The following TARS1 variants were observed in gnomAD, a reference collection of about 807,000 sequenced individuals.
TARS1 encodes the protein threonine--tRNA ligase 1, cytoplasmic.
In TARS1, 57 loss-of-function variants were observed where a neutral mutation model predicts 97.7. The observed-to-expected ratio is 0.58, with a 90% CI of 0.47 to 0.73. TARS1 has a LOEUF of 0.73. Ranked by LOEUF, TARS1 falls within the 30% of genes least tolerant of loss-of-function variation. The probability of loss-of-function intolerance (pLI) is 0.00; values close to 1 mark genes in which losing one functional copy is unlikely to be tolerated. For synonymous variants in TARS1, 312 were observed against 293.7 expected (o/e 1.06, Z -0.64); for missense variants, 806 against 888.3 (o/e 0.91, Z 1.18).
chr5:33,456,457 A>G (rs181850373), intron 8 of TARS1, among the ~76,000 whole-genome samples: 114 of 152,318 alleles, frequency 7.5e-4, no homozygotes, highest in African/African-American at 2.7e-3. Flanking sequence ...TGGAGATTTT[A>G]CAAAATCATA....
chr5:33,445,291 G>A lies in TARS1; in HGVS notation c.58-33G>A, dbSNP rs757723717. 23 of 1,561,842 alleles carry A rather than the reference G, an allele frequency of 1.5e-5. No homozygotes were observed. The South Asian group carries it at 2.4e-4, about 16-fold the overall frequency. ...ATCACAGGATGGAGGTGTCACATTA[G>A]ATTAAAATATAAAACGTTTTTTGCT... On this transcript the variant is annotated intron_variant, in intron 1 of 18. Coordinates refer to ENST00000265112, the MANE Select transcript of TARS1 (RefSeq NM_152295.5).
chr5:33,465,539 TTAAAG>T (rs2111604187), intron 17 of TARS1, among the ~76,000 whole-genome samples: 1 of 152,318 alleles, frequency 6.6e-6, no homozygotes, highest in South Asian at 2.1e-4. Context: ...GCCTTATTCT[TTAAAG>T]TAGTTATAAG....
intron 1 of TARS1, among the ~76,000 whole-genome samples, chr5:33,443,320 C>CTCTCTCTCTCTCTCT (rs1741220535): frequency 1.8e-4 from 21 of 118,518 alleles, no homozygotes; most frequent in East Asian, 8.4e-4. Flanking sequence ...TCTCTCTCTC[C>CTCTCTCTCTCTCTCT]CTCTCTCTCT....
At chr5:33,460,406 T>C (rs1742235081) in intron 11 of TARS1, among the ~76,000 whole-genome samples, 1 of 152,248 alleles carries the variant, frequency 6.6e-6, no homozygotes, top group Non-Finnish European at 1.5e-5. Flanking sequence ...AGAAACCTGT[T>C]CTGTCAAAAC....
In TARS1 at chr5:33,467,941, G is replaced by T; in HGVS notation, c.*233G>T. On this transcript the variant is annotated 3_prime_UTR_variant, in exon 19 of 19. Coordinates refer to ENST00000265112, the MANE Select transcript of TARS1 (RefSeq NM_152295.5). Reference sequence around the variant, plus strand: ...AAATGATTTTACTCATTCAGTATCTGAGTACTGGAAGTGAAACATGAGGAA... The same window carrying T: ...AAATGATTTTACTCATTCAGTATCTTAGTACTGGAAGTGAAACATGAGGAA... 1 of 407,688 alleles carries T rather than the reference G, an allele frequency of 2.5e-6. No individual in the cohort carries two copies. The highest frequency in any genetic ancestry group is 5.7e-5 in the South Asian group (1 of 17,654). The allele number at this position is 407,688 out of a possible 1,614,324, so 25.3% of individuals were successfully genotyped here.
chr5:33,449,880 A>G (rs532304993), intron 3 of TARS1, among the ~76,000 whole-genome samples: 1 of 152,330 alleles, frequency 6.6e-6, no homozygotes, highest in South Asian at 2.1e-4. Flanking sequence ...AAGCTTGCCA[A>G]TCTTGGTCTT....
intron 17 of TARS1, among the ~76,000 whole-genome samples, chr5:33,464,407 A>C (rs1742437761): frequency 6.6e-6 from 1 of 152,188 alleles, no homozygotes; most frequent in African/African-American, 2.4e-5. Context: ...AGTATAGCAG[A>C]CCAATGTCTT....
At chr5:33,448,444 G>A in intron 2 of TARS1, 97 bp from the exon 3 acceptor site, 1 of 1,056,524 alleles carries the variant, frequency 9.5e-7, no homozygotes, top group Non-Finnish European at 1.3e-6. Context: ...CAATAGTCCT[G>A]GGTTTCTGTA....
intron 1 of TARS1, among the ~76,000 whole-genome samples, chr5:33,444,147 C>G (rs1427193316): frequency 6.6e-6 from 1 of 152,050 alleles, no homozygotes; most frequent in East Asian, 1.9e-4. Context: ...CTAAAAGAAG[C>G]CTGTCACAAA....
At chr5:33,450,850 C>T (rs958287322) in intron 3 of TARS1, among the ~76,000 whole-genome samples, 2 of 152,192 alleles carry the variant, frequency 1.3e-5, no homozygotes, top group African/African-American at 4.8e-5. Context: ...CGTGTTGGCT[C>T]ACAGCTGTAA....
Position 33,461,055 on chromosome 5 carries a change from C to T in TARS1, c.1404C>T (p.Ala468=). Residue 468 remains alanine, a synonymous_variant, in exon 12 of 19, where the codon GCC becomes GCT. Coordinates refer to ENST00000265112, the MANE Select transcript of TARS1 (RefSeq NM_152295.5). The stretch of plus-strand genomic sequence containing the variant: ...AGGATGATGCTCACATATTCTGTGC[C>T]ATGGAGCAGGTATGAGACCCTGGGA... ...FQQDDAHIFC[A]MEQIEDEIKG... 1 of 1,614,074 alleles carries T rather than the reference C, an allele frequency of 6.2e-7. No homozygotes were observed. The highest frequency in any genetic ancestry group is 8.5e-7 in the Non-Finnish European group (1 of 1,180,014).
intron 8 of TARS1, among the ~76,000 whole-genome samples, chr5:33,456,775 G>C (rs753625898): frequency 8.5e-5 from 13 of 152,134 alleles, no homozygotes; most frequent in Non-Finnish European, 1.5e-4. Flanking sequence ...GGCAGTTTTG[G>C]GGGTATTGGG....
At chr5:33,467,376 C>G (rs564980384) in intron 18 of TARS1, among the ~76,000 whole-genome samples, 184 bp from the exon 19 acceptor site, 1 of 152,268 alleles carries the variant, frequency 6.6e-6, no homozygotes, top group African/African-American at 2.4e-5. Context: ...TCCATAAGCA[C>G]AGTAGTTTTA....
In TARS1 at chr5:33,441,013, C is replaced by T. The variant is rs1741058056; in HGVS notation, c.-74C>T. ...AGGCCAAGTCCCGGGCGCTAGCCCA[C>T]CTCCCACCCGCCTCTTGGCTCCTCT... On this transcript the variant is annotated 5_prime_UTR_variant, in exon 1 of 19. Coordinates refer to ENST00000265112, the MANE Select transcript of TARS1 (RefSeq NM_152295.5). 5 of 1,597,360 alleles carry T rather than the reference C, an allele frequency of 3.1e-6. No individual in the cohort carries two copies. The highest frequency in any genetic ancestry group is 2.2e-5 in the East Asian group (1 of 44,718).
Position 33,458,659 on chromosome 5 carries a change from A to G in TARS1, c.1078A>G (p.Ile360Val), listed in dbSNP as rs1441185393. Residue 360 changes from isoleucine to valine, a missense_variant, in exon 10 of 19, where the codon ATT becomes GTT. Around this residue, in one of 3 missense-constraint regions of TARS1, gnomAD observed 446 missense variants for 511.0 expected, o/e 0.87. Transcript: ENST00000265112. ...CATTTATAATGCACTTATTGAATTC[A>G]TTAGGGTAAGTCATATTTATTGCTT... is the stretch of plus-strand genomic sequence containing the variant. ...AYIYNALIEF[I>V]RSEYRKRGFQ... The G allele has an allele frequency of 6.2e-7, 1 of 1,610,506 alleles. No homozygotes were observed. The highest frequency in any genetic ancestry group is 8.5e-7 in the Non-Finnish European group (1 of 1,177,870).
intron 3 of TARS1, among the ~76,000 whole-genome samples, chr5:33,452,024 A>G (rs1404926919): frequency 1.3e-5 from 2 of 152,216 alleles, no homozygotes; most frequent in Non-Finnish European, 2.9e-5. Context: ...TAAAGTTAGT[A>G]GGAGCATTGA....
upstream of TARS1, chr5:33,440,784 G>A (rs1372379460): frequency 1.4e-5 from 7 of 498,090 alleles, no homozygotes; most frequent in African/African-American, 1.2e-4. Flanking sequence ...AAGGTCAGCG[G>A]AGAGTAGGCA....
In TARS1 at chr5:33,465,087, CAAAT is replaced by C. The variant is rs1048826849; in HGVS notation, c.1908+1274_1908+1277del. ...TCTCAAAAAAATAAATAAATAAAAACAAATAAATAAATAAAAAAAATGAAGTGAA... is the reference window on the plus strand; with the variant it reads ...TCTCAAAAAAATAAATAAATAAAAACAAATAAATAAAAAAAATGAAGTGAA... On this transcript the variant is annotated intron_variant, in intron 17 of 18. Coordinates refer to ENST00000265112, the MANE Select transcript of TARS1 (RefSeq NM_152295.5). Among the ~76,000 whole-genome samples, 6 of 151,892 alleles carry C rather than the reference CAAAT, an allele frequency of 4.0e-5. 1 individual carries two copies. The highest frequency in any genetic ancestry group is 8.8e-5 in the Non-Finnish European group (6 of 67,944).
At chr5:33,455,770 A>G (rs1741984503) in intron 6 of TARS1, 66 bp downstream of exon 6, 1 of 1,170,850 alleles carries the variant, frequency 8.5e-7, no homozygotes, top group South Asian at 1.4e-5. Flanking sequence ...TTGAAGTGAC[A>G]CCACTGGCGT....
Sources: allele counts gnomAD v4.1 joint callset (sites outside exome capture counted in the v4.1 genomes callset), GRCh38; gene constraint gnomAD v4.1.1; regional missense constraint gnomAD v4.1.1; transcripts MANE v1.5; gene names NCBI Gene and HGNC (gene_info 2026-07-23, HGNC 2026-07-21).